ENTREP1: variants seen among roughly 807,000 people sequenced by gnomAD.
The protein encoded by ENTREP1 is endosomal transmembrane epsin interactor 1, also known as Friedreich ataxia region gene X123.
the ENTREP1 span, chr9:69,382,871 T>C: frequency 7.7e-6 from 2 of 259,466 alleles, no homozygotes; most frequent in Non-Finnish European, 1.2e-5. Flanking sequence ...ACTTTTGTTC[T>C]CTTTTTTTTT....
chr9:69,337,005 CTTTTTTTTTT>C, the ENTREP1 span, among the ~76,000 whole-genome samples: 237 of 56,002 alleles, frequency 4.2e-3, 2 homozygotes, highest in African/African-American at 0.017. Flanking sequence ...GCTGTTATTC[CTTTTTTTTTT>C]TTTTTTTTTT....
chr9:69,363,545 T>G, the ENTREP1 span, among the ~76,000 whole-genome samples: 1 of 152,242 alleles, frequency 6.6e-6, no homozygotes, highest in South Asian at 2.1e-4. Context: ...AGTGAAACTG[T>G]TAACCTTTTC....
At chr9:69,372,292 A>G in the ENTREP1 span, among the ~76,000 whole-genome samples, 45 of 152,168 alleles carry the variant, frequency 3.0e-4, 1 homozygote, top group Non-Finnish European at 3.8e-4. Context: ...AATCTCTAGA[A>G]CTCTTTTCAT....
the ENTREP1 span, among the ~76,000 whole-genome samples, chr9:69,349,443 C>T: frequency 1.2e-4 from 19 of 152,202 alleles, no homozygotes; most frequent in Admixed American, 2.0e-4. Flanking sequence ...CAACACTGAT[C>T]GTCTGTTTTT....
chr9:69,389,452 T>C, the ENTREP1 span, among the ~76,000 whole-genome samples: 1 of 152,196 alleles, frequency 6.6e-6, no homozygotes, highest in African/African-American at 2.4e-5. Context: ...CTCAGGGGAT[T>C]CAGCGGGGAG....
the ENTREP1 span, among the ~76,000 whole-genome samples, chr9:69,342,444 A>G: frequency 6.6e-6 from 1 of 152,202 alleles, no homozygotes; most frequent in East Asian, 1.9e-4. Context: ...GTGGTGTAGA[A>G]TATAAATTAA....
At chr9:69,390,958 T>C in the ENTREP1 span, among the ~76,000 whole-genome samples, 2 of 151,548 alleles carry the variant, frequency 1.3e-5, no homozygotes. Context: ...TTTTTTTTTT[T>C]TTTTTTGTAG....
At chr9:69,387,846 A>T in the ENTREP1 span, 43 of 1,251,914 alleles carry the variant, frequency 3.4e-5, no homozygotes, top group Admixed American at 2.2e-4. Flanking sequence ...TCTATTTGTC[A>T]TACCCCATGA....
the ENTREP1 span, chr9:69,386,257 G>C: frequency 3.1e-3 from 656 of 208,328 alleles, 7 homozygotes; most frequent in East Asian, 0.013. Flanking sequence ...CTGATTTCTA[G>C]ATGCTGCAAT....
At chr9:69,349,184 C>CAAAA in the ENTREP1 span, among the ~76,000 whole-genome samples, 1 of 85,290 alleles carries the variant, frequency 1.2e-5, no homozygotes, top group Non-Finnish European at 2.3e-5. Flanking sequence ...AACTCCATCT[C>CAAAA]AAAAAAAAAA....
chr9:69,380,215 C>G, the ENTREP1 span: 1 of 152,242 alleles, frequency 6.6e-6, no homozygotes, highest in Non-Finnish European at 1.5e-5. Context: ...AGAGTGCAGT[C>G]CACTTTCCTT....
chr9:69,349,586 C>T, the ENTREP1 span, among the ~76,000 whole-genome samples: 1 of 152,054 alleles, frequency 6.6e-6, no homozygotes, highest in African/African-American at 2.4e-5. Flanking sequence ...GATCCATTGC[C>T]CATTTAAAAA....
the ENTREP1 span, among the ~76,000 whole-genome samples, chr9:69,343,224 G>C: frequency 6.6e-6 from 1 of 152,204 alleles, no homozygotes; most frequent in East Asian, 1.9e-4. Context: ...GTGGAGATTT[G>C]TATCATGCTT....
the ENTREP1 span, among the ~76,000 whole-genome samples, chr9:69,347,720 A>G: frequency 2.0e-5 from 3 of 152,196 alleles, no homozygotes; most frequent in African/African-American, 7.2e-5. Flanking sequence ...CATCTTAAAC[A>G]ATCAGGAATA....
chr9:69,389,803 A>C, the ENTREP1 span, among the ~76,000 whole-genome samples: 6 of 152,232 alleles, frequency 3.9e-5, no homozygotes, highest in Admixed American at 1.3e-4. Flanking sequence ...ACAAGCACTT[A>C]TACAGTTCAC....
At chr9:69,371,560 T>G in the ENTREP1 span, 1 of 1,614,018 alleles carries the variant, frequency 6.2e-7, no homozygotes, top group South Asian at 1.1e-5. Context: ...GGATTTATCC[T>G]AGGCTGCCAA....
At chr9:69,385,219 C>A in the ENTREP1 span, among the ~76,000 whole-genome samples, 1 of 152,208 alleles carries the variant, frequency 6.6e-6, no homozygotes, top group Non-Finnish European at 1.5e-5. Flanking sequence ...CTGCACCCAG[C>A]CAATTTTTCC....
chr9:69,328,628 A>G, the ENTREP1 span, among the ~76,000 whole-genome samples: 4 of 150,550 alleles, frequency 2.7e-5, no homozygotes, highest in South Asian at 2.1e-4. Context: ...GGACATTGTA[A>G]CTAATTCAAA....
At chr9:69,371,374 CG>C in the ENTREP1 span, 3 of 814,510 alleles carry the variant, frequency 3.7e-6, no homozygotes, top group Non-Finnish European at 6.6e-6. Flanking sequence ...ATTGAAAACA[CG>C]GTTCTGATCT....
Sources: allele counts gnomAD v4.1 joint callset (sites outside exome capture counted in the v4.1 genomes callset), GRCh38; gene constraint gnomAD v4.1.1; transcripts MANE v1.5; gene names NCBI Gene and HGNC (gene_info 2026-07-23, HGNC 2026-07-21).